CYP26B1: variants seen among roughly 807,000 people sequenced by gnomAD.
CYP26B1 encodes the protein cytochrome P450 family 26 subfamily B member 1.
In CYP26B1, 8 loss-of-function variants were observed where a neutral mutation model predicts 39.1. The ratio of observed to expected loss-of-function variants is 0.20; its 90% CI spans 0.12 to 0.37. The LOEUF (loss-of-function observed/expected upper bound fraction) is 0.37, where lower values mean the gene tolerates loss of function less well. Among genes scored for constraint, CYP26B1 ranks in the 10% least tolerant of loss-of-function variants. The pLI is 1.00. For missense variants in CYP26B1, 615 were observed against 707.0 expected, an observed-to-expected ratio of 0.87 and a Z score of 1.48; for synonymous variants, 321 against 314.3, an observed-to-expected ratio of 1.02 and a Z score of -0.23.
intron 2 of CYP26B1, among the ~76,000 whole-genome samples, chr2:72,142,511 G>C (rs989946962): frequency 6.6e-6 from 1 of 152,262 alleles, no homozygotes; most frequent in East Asian, 1.9e-4. Context: ...ACCGCTCTAC[G>C]CCTCAGTGGC....
In CYP26B1 at chr2:72,134,818, G is replaced by A. The variant is rs1164484814; in HGVS notation, c.804C>T (p.Asp268=). 2 of 1,614,056 alleles carry A rather than the reference G, an allele frequency of 1.2e-6. No individual in the cohort carries two copies. Among genetic ancestry groups the A allele is most frequent in the African/African-American group, 2.7e-5 (2 of 74,914 alleles). ...TQGKDYLDAL[D]LLIESSKEHG... ...GCTCCTTGCTGCTCTCAATGAGGAGGTCCAGGGCGTCCAAGTAGTCCTTGC... is the reference window on the plus strand; with the variant it reads ...GCTCCTTGCTGCTCTCAATGAGGAGATCCAGGGCGTCCAAGTAGTCCTTGC... The change falls in exon 4 of 6, where the codon GAC becomes GAT. Residue 268 remains aspartate (D), a synonymous_variant. Transcript: ENST00000001146.
intron 1 of CYP26B1, among the ~76,000 whole-genome samples, chr2:72,146,743 C>T (rs918448775): frequency 1.3e-5 from 2 of 152,230 alleles, no homozygotes; most frequent in Non-Finnish European, 2.9e-5. Flanking sequence ...GCTCCGCTCC[C>T]CCACCCCAAG....
chr2:72,140,905 T>G (rs1558970582), intron 2 of CYP26B1, among the ~76,000 whole-genome samples: 1 of 152,106 alleles, frequency 6.6e-6, no homozygotes, highest in Non-Finnish European at 1.5e-5. Context: ...TCCCTTGAAA[T>G]ACTCTCCAGG....
rs991933156 is a variant in CYP26B1 at position 72,129,810 on chromosome 2, C to T, written c.*2417G>A. On this transcript the variant is annotated 3_prime_UTR_variant, in exon 6 of 6. Transcript: ENST00000001146. ...TAGGGATGATAAGTAAGAAACATCA[C>T]CCATCTAATGCTAGCTGTATGAAAC... 1 of 151,324 alleles carries T rather than the reference C, an allele frequency of 6.6e-6. No individual in the cohort carries two copies. The highest frequency in any genetic ancestry group is 1.5e-5 in the Non-Finnish European group (1 of 67,960). The allele number at this position is 151,324 out of a possible 1,614,324, so 9.4% of individuals were successfully genotyped here.
At chr2:72,144,613 G>A (rs920396424) in intron 1 of CYP26B1, 5 of 527,970 alleles carry the variant, frequency 9.5e-6, no homozygotes, top group African/African-American at 2.2e-5. Context: ...GCGAGACCCC[G>A]CGGGGTGGCC....
In CYP26B1 at chr2:72,132,186, A is replaced by G. The variant is rs1377793249; in HGVS notation, c.*41T>C. On this transcript the variant is annotated 3_prime_UTR_variant, in exon 6 of 6. Transcript: ENST00000001146. ...CAGGTTTCTACCTCCCACAACCACC[A>G]CCCCGCTGCCTGGGCTGGGCTGAGG... 1.3e-6 allele frequency: 2 copies of G among 1,574,822 alleles called. No homozygotes were observed. The highest frequency in any genetic ancestry group is 8.6e-7 in the Non-Finnish European group (1 of 1,160,622).
intron 1 of CYP26B1, among the ~76,000 whole-genome samples, chr2:72,145,035 T>A (rs1208423763): frequency 2.0e-5 from 3 of 152,058 alleles, no homozygotes; most frequent in African/African-American, 7.2e-5. Context: ...GGCAAGGGCG[T>A]CCCGCTCACC....
chr2:72,143,298 GCGCGCCTCCTC>G (rs922259878), intron 2 of CYP26B1, among the ~76,000 whole-genome samples: 4 of 151,838 alleles, frequency 2.6e-5, no homozygotes, highest in East Asian at 1.9e-4. Flanking sequence ...CCTGTCCCGT[GCGCGCCTCCTC>G]CGCGCCTCCT....
At position 72,135,385 on chromosome 2, in the gene CYP26B1, T is replaced by C; in HGVS notation, c.464A>G (p.Glu155Gly). The change falls in exon 3 of 6, where the codon GAG becomes GGG. Residue 155 changes from glutamate (E) to glycine (G), a missense_variant. Glu to Gly is a moderately conservative substitution (Grantham distance 98). Coordinates refer to ENST00000001146, the MANE Select transcript of CYP26B1 (RefSeq NM_019885.4). ...FSKIFSHEAL[E>G]SYLPKIQLVI... ...CAGCTGGATCTTGGGCAGGTAACTC[T>C]CCAGGGCCTCGTGGCTGAAGATCTT... is the stretch of plus-strand genomic sequence containing the variant. The C allele has an allele frequency of 6.2e-7, 1 of 1,613,204 alleles. No homozygotes were observed. The highest frequency in any genetic ancestry group is 1.3e-5 in the African/African-American group (1 of 75,034).
At position 72,133,052 on chromosome 2, in the gene CYP26B1, G is replaced by A. The variant is rs1406495401; in HGVS notation, c.1117C>T (p.Arg373Cys). The A allele has an allele frequency of 2.5e-6, 4 of 1,613,210 alleles. No individual in the cohort carries two copies. The highest frequency in any genetic ancestry group is 3.4e-6 in the Non-Finnish European group (4 of 1,179,978). ...AGCTCGAAGGTCTGCAGCACAGTGC[G>A]GTAGCCGCCGGAAATGGGCGTGAAC... ...RLFTPISGGYRTVLQTFELDG... is the reference protein window; with the variant it reads ...RLFTPISGGYCTVLQTFELDG... The change falls in exon 5 of 6, where the codon CGC (arginine) becomes TGC (cysteine). Residue 373 changes from arginine (R) to cysteine (C), a missense_variant. By Grantham distance (180) the Arg-to-Cys change is radical. Coordinates refer to ENST00000001146, the MANE Select transcript of CYP26B1 (RefSeq NM_019885.4).
At chr2:72,135,552 G>A in intron 2 of CYP26B1, 133 bp from the exon 3 acceptor site, 1 of 1,327,268 alleles carries the variant, frequency 7.5e-7, no homozygotes. Flanking sequence ...CTTGGGAGCT[G>A]GGCAGGCCAG....
intron 2 of CYP26B1, among the ~76,000 whole-genome samples, chr2:72,140,832 G>A (rs985153170): frequency 4.1e-4 from 62 of 152,174 alleles, no homozygotes; most frequent in African/African-American, 1.4e-3. Flanking sequence ...CTGTAGGCAG[G>A]GGTCTGGGTA....
chr2:72,139,618 A>C (rs1002297593), intron 2 of CYP26B1, among the ~76,000 whole-genome samples: 6 of 152,328 alleles, frequency 3.9e-5, no homozygotes, highest in African/African-American at 1.4e-4. Flanking sequence ...CCTACAGCAC[A>C]AGGTGGGCAA....
Position 72,147,835 on chromosome 2 carries a change from G to T in CYP26B1, c.-1C>A. The T allele has an allele frequency of 6.6e-7, 1 of 1,521,530 alleles. No individual in the cohort carries two copies. The highest frequency in any genetic ancestry group is 8.8e-7 in the Non-Finnish European group (1 of 1,131,984). 94.3% of individuals were successfully genotyped at this position (1,521,530 alleles called of 1,614,324 possible). ...CCAGATCCAAGCCCTCAAAGAGCAT[G>T]TTGGCGGCCGCTCGGGGGATTGGCT... On this transcript the variant is annotated 5_prime_UTR_variant, in exon 1 of 6. Coordinates refer to ENST00000001146, the MANE Select transcript of CYP26B1 (RefSeq NM_019885.4). This position sits in a 1 kb window ranked among gnomAD's most constrained non-coding sequence, Gnocchi z 6.1.
chr2:72,140,254 G>C (rs1676905198), intron 2 of CYP26B1, among the ~76,000 whole-genome samples: 1 of 152,200 alleles, frequency 6.6e-6, no homozygotes, highest in African/African-American at 2.4e-5. Flanking sequence ...CCTGGCACAA[G>C]GGCATGCAGA....
chr2:72,140,622 G>A (rs552219918), intron 2 of CYP26B1, among the ~76,000 whole-genome samples: 7 of 152,280 alleles, frequency 4.6e-5, no homozygotes, highest in African/African-American at 9.6e-5. Flanking sequence ...AGCCTTCCCC[G>A]GGACCCCACA....
At chr2:72,143,944 A>C (rs752596062) in intron 2 of CYP26B1, 45 bp downstream of exon 2, 1 of 1,604,102 alleles carries the variant, frequency 6.2e-7, no homozygotes, top group South Asian at 1.1e-5. Flanking sequence ...CCTTGCCCCG[A>C]GGTGGGGGAG....
In CYP26B1 at chr2:72,132,247, T is replaced by C. The variant is rs1389948857; in HGVS notation, c.1519A>G (p.Met507Val). 2 of 1,603,552 alleles carry C rather than the reference T, an allele frequency of 1.2e-6. No homozygotes were observed. The highest frequency in any genetic ancestry group is 1.7e-5 in the Admixed American group (1 of 58,354). ...QNEILPETEAMLSATV is the reference protein window; with the variant it reads ...QNEILPETEAVLSATV ...TTGGGTTAGACTGTGGCGCTCAGCA[T>C]GGCCTCCGTCTCCGGCAGGATCTCG... The change falls in exon 6 of 6, where the codon ATG becomes GTG. Residue 507 changes from methionine to valine, a missense_variant. Physicochemically the swap from Met to Val is conservative, Grantham distance 21. Transcript: ENST00000001146.
chr2:72,138,279 C>A (rs1428727285), intron 2 of CYP26B1, among the ~76,000 whole-genome samples: 1 of 152,176 alleles, frequency 6.6e-6, no homozygotes, highest in African/African-American at 2.4e-5. Flanking sequence ...ACAGGCACTT[C>A]CCAAAGCCGG....
Sources: allele counts gnomAD v4.1 joint callset (sites outside exome capture counted in the v4.1 genomes callset), GRCh38; gene constraint gnomAD v4.1.1; non-coding constraint Gnocchi (gnomAD v3.1); transcripts MANE v1.5; gene names NCBI Gene and HGNC (gene_info 2026-07-23, HGNC 2026-07-21).